Variants in STK33 observed in about 807,000 individuals in gnomAD.
STK33 encodes serine/threonine kinase 33.
STK33 carries 52 observed loss-of-function variants against 58.0 expected under a neutral mutation model. The observed-to-expected ratio is 0.90, with a 90% CI of 0.72 to 1.13. The LOEUF (loss-of-function observed/expected upper bound fraction) is 1.13, where lower values mean the gene tolerates loss of function less well. Ranked by LOEUF, STK33 falls within the 50% of genes most tolerant of loss-of-function variation. The pLI, the probability that STK33 is intolerant of heterozygous loss-of-function variation, is 0.00. For synonymous variants in STK33, 215 were observed against 200.1 expected (o/e 1.07, Z -0.63); for missense variants, 630 against 604.2 (o/e 1.04, Z -0.45).
chr11:8,487,710 G>A (rs1056755270), intron 1 of STK33, among the ~76,000 whole-genome samples: 1 of 151,858 alleles, frequency 6.6e-6, no homozygotes, highest in Non-Finnish European at 1.5e-5. Context: ...ATAAGATGAA[G>A]ACTAAAAAAT....
the STK33 span, among the ~76,000 whole-genome samples, chr11:8,373,934 C>T: frequency 5.9e-5 from 9 of 152,344 alleles, no homozygotes; most frequent in South Asian, 1.7e-3. Context: ...AGGTGCCTTC[C>T]TGGGCACTTA....
intron 1 of STK33, among the ~76,000 whole-genome samples, chr11:8,504,794 T>C (rs960944942): frequency 2.0e-5 from 3 of 151,704 alleles, no homozygotes; most frequent in Admixed American, 2.0e-4. Flanking sequence ...CAAGACCCTG[T>C]CCCTAAAAAA....
chr11:8,437,890 C>G (rs1944279980), intron 12 of STK33, among the ~76,000 whole-genome samples: 3 of 152,176 alleles, frequency 2.0e-5, no homozygotes. Flanking sequence ...TTTTATCTCT[C>G]TAGCTCATTC....
chr11:8,337,560 G>A, the STK33 span, among the ~76,000 whole-genome samples: 1 of 151,642 alleles, frequency 6.6e-6, no homozygotes, highest in Non-Finnish European at 1.5e-5. Context: ...AGGCCTACAG[G>A]GAGGCTTTGG....
intron 1 of STK33, among the ~76,000 whole-genome samples, chr11:8,494,697 A>AC (rs776581045): frequency 1.3e-5 from 2 of 152,080 alleles, no homozygotes; most frequent in Non-Finnish European, 2.9e-5. Flanking sequence ...TTCAAACTAT[A>AC]TACAAGGCTA....
chr11:8,397,129 C>T (rs377396786), intron 15 of STK33, among the ~76,000 whole-genome samples: 3 of 152,170 alleles, frequency 2.0e-5, no homozygotes, highest in South Asian at 2.1e-4. Context: ...TCTCCCAGCA[C>T]GCAGCTGGAC....
Position 8,457,393 on chromosome 11 carries a change from T to A in STK33, c.645A>T (p.Thr215=), listed in dbSNP as rs1406020089. ...ATGCGAGACTTTGAATGATCCACCT[T>A]GTCTCATTCTCTGAGAAATGCCCTT... ...DRKGHFSENE[T]RWIIQSLASA... Residue 215 remains threonine, a synonymous_variant, in exon 9 of 16, where the codon ACA becomes ACT. Transcript: ENST00000687296. 3 of 1,608,256 alleles carry A rather than the reference T, an allele frequency of 1.9e-6. No individual in the cohort carries two copies. The highest frequency in any genetic ancestry group is 2.6e-6 in the Non-Finnish European group (3 of 1,176,128).
chr11:8,564,303 T>A (rs1036650610), intron 1 of STK33, among the ~76,000 whole-genome samples: 1 of 152,184 alleles, frequency 6.6e-6, no homozygotes, highest in African/African-American at 2.4e-5. Context: ...ACTTTGGGCA[T>A]TGATGGATTA....
chr11:8,415,625 C>G (rs1941006872), intron 14 of STK33, among the ~76,000 whole-genome samples: 1 of 152,064 alleles, frequency 6.6e-6, no homozygotes, highest in Non-Finnish European at 1.5e-5. Context: ...ATTTGGGTGT[C>G]ATTTGTCATC....
At chr11:8,379,607 T>G in the STK33 span, among the ~76,000 whole-genome samples, 1 of 152,194 alleles carries the variant, frequency 6.6e-6, no homozygotes. Context: ...ACATTACTCT[T>G]GAAGAATGCC....
chr11:8,506,599 C>T (rs1466501499), intron 1 of STK33, among the ~76,000 whole-genome samples: 1 of 148,330 alleles, frequency 6.7e-6, no homozygotes, highest in Non-Finnish European at 1.5e-5. Flanking sequence ...TTAGATTGGG[C>T]CCACCTGGAT....
the STK33 span, among the ~76,000 whole-genome samples, chr11:8,367,497 T>C: frequency 2.0e-5 from 3 of 151,698 alleles, no homozygotes; most frequent in Non-Finnish European, 4.4e-5. Context: ...GGGTAGATCT[T>C]CCTGCACTGT....
At chr11:8,496,624 G>C (rs1330223840) in intron 1 of STK33, among the ~76,000 whole-genome samples, 1 of 151,480 alleles carries the variant, frequency 6.6e-6, no homozygotes, top group African/African-American at 2.4e-5. Flanking sequence ...ACCCAGGCTG[G>C]AGTGCAGTGG....
chr11:8,453,078 T>C (rs2136964278), intron 10 of STK33, among the ~76,000 whole-genome samples, 172 bp from the exon 11 acceptor site: 1 of 152,352 alleles, frequency 6.6e-6, no homozygotes, highest in South Asian at 2.1e-4. Flanking sequence ...CCCACCTCTC[T>C]GTATAGAGGA....
At chr11:8,403,663 A>G (rs1325244440) in intron 15 of STK33, among the ~76,000 whole-genome samples, 2 of 152,178 alleles carry the variant, frequency 1.3e-5, no homozygotes, top group African/African-American at 4.8e-5. Flanking sequence ...ATGACCTTAC[A>G]AGCCTTCCTC....
chr11:8,570,310 T>C lies in STK33; in HGVS notation c.-466+23773A>G, dbSNP rs1198096201. ...AGGTTCTTGCAACAAGAACCCTCAT[T>C]TGTTGATGGCGGGAATGTAAAATGA... On this transcript the variant is annotated intron_variant, in intron 1 of 15. Transcript: ENST00000687296. Among the ~76,000 whole-genome samples, 10 of 152,308 alleles carry C rather than the reference T, an allele frequency of 6.6e-5. 1 individual carries two copies. The highest frequency in any genetic ancestry group is 2.2e-4 in the African/African-American group (9 of 41,566).
chr11:8,428,882 AATC>A (rs1218099959), intron 14 of STK33, among the ~76,000 whole-genome samples: 1 of 152,176 alleles, frequency 6.6e-6, no homozygotes, highest in Non-Finnish European at 1.5e-5. Flanking sequence ...TACTGATAAT[AATC>A]ATAATGAAAA....
At chr11:8,492,347 AG>A (rs1950689849) in intron 1 of STK33, among the ~76,000 whole-genome samples, 1 of 152,258 alleles carries the variant, frequency 6.6e-6, no homozygotes, top group African/African-American at 2.4e-5. Context: ...AAAGAGACAA[AG>A]AAGGCCACTA....
chr11:8,483,803 C>A (rs1188935831), intron 1 of STK33, among the ~76,000 whole-genome samples: 2 of 152,150 alleles, frequency 1.3e-5, no homozygotes, highest in South Asian at 4.2e-4. Flanking sequence ...TGGCTTATTT[C>A]TAATGAGTGC....
Sources: gnomAD v4.1 joint callset for allele counts (sites outside exome capture counted in the v4.1 genomes callset) on GRCh38, gnomAD v4.1.1 for gene constraint, MANE v1.5 for transcripts, NCBI Gene and HGNC (gene_info 2026-07-23, HGNC 2026-07-21) for gene names.